PLEKHG1: variants seen among roughly 807,000 people sequenced by gnomAD.
PLEKHG1 encodes pleckstrin homology domain-containing family G member 1.
PLEKHG1 carries 44 observed loss-of-function variants against 100.8 expected under a neutral mutation model. That is an observed-to-expected ratio of 0.44 (90% confidence interval 0.34 to 0.56). The LOEUF is 0.56. Ranked by LOEUF, PLEKHG1 falls within the 20% of genes least tolerant of loss-of-function variation. The probability of loss-of-function intolerance (pLI) is 0.01; values close to 1 mark genes in which losing one functional copy is unlikely to be tolerated. For synonymous variants in PLEKHG1, 640 were observed against 662.5 expected (o/e 0.97, Z 0.52); for missense variants, 1,545 against 1,720.9 (o/e 0.90, Z 1.81).
chr6:150,617,857 G>T (rs575937604), intron 1 of PLEKHG1, among the ~76,000 whole-genome samples: 24 of 152,326 alleles, frequency 1.6e-4, no homozygotes, highest in African/African-American at 4.8e-4. Flanking sequence ...GGCCTGGGGT[G>T]TGGGAACAGG....
intron 3 of PLEKHG1, among the ~76,000 whole-genome samples, chr6:150,672,123 C>A (rs555509102): frequency 3.3e-5 from 5 of 152,136 alleles, no homozygotes; most frequent in Admixed American, 6.5e-5. Context: ...AGAAGTTATT[C>A]TCCAGGACAC....
intron 1 of PLEKHG1, among the ~76,000 whole-genome samples, chr6:150,623,759 A>T (rs770773991): frequency 1.3e-5 from 2 of 152,136 alleles, no homozygotes; most frequent in African/African-American, 4.8e-5. Context: ...CACGTTTGTC[A>T]TGTGCCTCTC....
At chr6:150,792,416 G>A (rs543331271) in intron 4 of PLEKHG1, among the ~76,000 whole-genome samples, 1 of 150,364 alleles carries the variant, frequency 6.7e-6, no homozygotes, top group African/African-American at 2.5e-5. Context: ...GCTCACACCT[G>A]TAATCCCAAC....
At chr6:150,709,909 C>G (rs1781181678) in intron 3 of PLEKHG1, among the ~76,000 whole-genome samples, 1 of 152,164 alleles carries the variant, frequency 6.6e-6, no homozygotes, top group African/African-American at 2.4e-5. Flanking sequence ...CCTCAGCCTC[C>G]CATGTAGCTG....
At chr6:150,808,987 A>G (rs1787317346) in intron 7 of PLEKHG1, 118 bp from the exon 9 acceptor site, 1 of 728,882 alleles carries the variant, frequency 1.4e-6, no homozygotes, top group African/African-American at 1.8e-5. Context: ...CCACGTAGAT[A>G]GTTAGACCCC....
chr6:150,715,533 G>A (rs1010977815), intron 3 of PLEKHG1, among the ~76,000 whole-genome samples: 44 of 149,376 alleles, frequency 2.9e-4, no homozygotes, highest in African/African-American at 1.0e-3. Context: ...TGTGGCCCAG[G>A]CTGGAGTGCA....
intron 15 of PLEKHG1, among the ~76,000 whole-genome samples, chr6:150,838,396 T>G (rs1005431393): frequency 6.3e-5 from 9 of 142,012 alleles, no homozygotes; most frequent in Admixed American, 6.9e-5. Flanking sequence ...ACATTAAGGG[T>G]TTTTTTTATT....
chr6:150,779,858 C>G (rs943658588), intron 3 of PLEKHG1, among the ~76,000 whole-genome samples: 1 of 151,388 alleles, frequency 6.6e-6, no homozygotes, highest in Non-Finnish European at 1.5e-5. Context: ...CCCAGCTACT[C>G]AGGAGGCTGA....
At chr6:150,679,553 A>T (rs943317069) in intron 3 of PLEKHG1, among the ~76,000 whole-genome samples, 1 of 152,218 alleles carries the variant, frequency 6.6e-6, no homozygotes, top group African/African-American at 2.4e-5. Flanking sequence ...AGCATACTTT[A>T]AAAAATTACA....
At chr6:150,754,449 G>C (rs1169562199) in intron 2 of PLEKHG1, among the ~76,000 whole-genome samples, 2 of 152,156 alleles carry the variant, frequency 1.3e-5, no homozygotes, top group Non-Finnish European at 2.9e-5. Flanking sequence ...GGTTTGAAAA[G>C]TTGTGGGGAA....
chr6:150,746,009 G>A (rs987958432), intron 2 of PLEKHG1, among the ~76,000 whole-genome samples: 4 of 132,810 alleles, frequency 3.0e-5, no homozygotes. Context: ...AAATTAAAGA[G>A]GGGAGGCTGT....
At chr6:150,717,438 C>A (rs138236376), upstream of PLEKHG1, among the ~76,000 whole-genome samples, 526 of 152,228 alleles carry the variant, frequency 3.5e-3, 4 homozygotes, top group African/African-American at 0.012. Flanking sequence ...TCTCAGCCTC[C>A]CAAAGTGCTG....
intron 10 of PLEKHG1, among the ~76,000 whole-genome samples, chr6:150,813,428 G>A (rs546685309): frequency 6.6e-6 from 1 of 151,934 alleles, no homozygotes; most frequent in Non-Finnish European, 1.5e-5. Context: ...TTCAAAATCT[G>A]CTCAGCAGCT....
At chr6:150,811,799 C>T (rs1032532668) in intron 10 of PLEKHG1, among the ~76,000 whole-genome samples, 2 of 152,008 alleles carry the variant, frequency 1.3e-5, no homozygotes, top group East Asian at 1.9e-4. Context: ...GGAATCTGGA[C>T]GCGTTCACAC....
At chr6:150,604,917 T>C (rs1361166129) in intron 1 of PLEKHG1, among the ~76,000 whole-genome samples, 1 of 152,178 alleles carries the variant, frequency 6.6e-6, no homozygotes. Context: ...TTGTATCTAC[T>C]CTTCTCCTGA....
rs146092426 is a variant in PLEKHG1 at position 150,734,086 on chromosome 6, C to T, written c.405C>T (p.Ile135=). The T allele has an allele frequency of 5.0e-5, 80 of 1,607,574 alleles. No individual in the cohort carries two copies. In the African/African-American group the frequency reaches 9.1e-4, roughly 18 times the overall value. ...CTTATGTACAAGATTTAAAAAGCAT[C>T]GTAGAGGTAAGACCGACTTCGCTTT... Residue 135 remains isoleucine, a synonymous_variant, in exon 2 of 16, where the codon ATC becomes ATT. Coordinates refer to ENST00000358517, the Ensembl canonical transcript of PLEKHG1.
chr6:150,721,215 G>T, intron 1 of PLEKHG1: 1 of 975,468 alleles, frequency 1.0e-6, no homozygotes, highest in Non-Finnish European at 1.2e-6. Flanking sequence ...GTGCTAATGT[G>T]AGTGTCCCCA....
chr6:150,764,101 C>T (rs1399985175), intron 2 of PLEKHG1, among the ~76,000 whole-genome samples: 1 of 150,124 alleles, frequency 6.7e-6, no homozygotes, highest in Admixed American at 6.7e-5. Context: ...TATAGCTTCT[C>T]TCCTATTTTC....
intron 1 of PLEKHG1, among the ~76,000 whole-genome samples, chr6:150,632,552 T>C (rs1777804704): frequency 6.6e-6 from 1 of 152,228 alleles, no homozygotes; most frequent in Admixed American, 6.5e-5. Flanking sequence ...CATACCCCTC[T>C]ACCTGGCCTC....
Sources: gnomAD v4.1 joint callset for allele counts (sites outside exome capture counted in the v4.1 genomes callset) on GRCh38, gnomAD v4.1.1 for gene constraint, MANE v1.5 for transcripts, NCBI Gene and HGNC (gene_info 2026-07-23, HGNC 2026-07-21) for gene names.